The following PPARGC1A variants were observed in gnomAD, a reference collection of about 807,000 sequenced individuals.
The protein encoded by PPARGC1A is PPARG coactivator 1 alpha.
Under a neutral mutation model 88.7 loss-of-function variants are expected in PPARGC1A, and 25 were observed. The ratio of observed to expected loss-of-function variants is 0.28; its 90% CI spans 0.21 to 0.39. The LOEUF is 0.39. PPARGC1A is among the 10% of genes least tolerant of loss of function. The pLI is 1.00. For synonymous variants in PPARGC1A, 363 were observed against 355.6 expected (o/e 1.02, Z -0.24); for missense variants, 880 against 968.7 (o/e 0.91, Z 1.22).
chr4:24,232,037 T>A, the PPARGC1A span, among the ~76,000 whole-genome samples: 1 of 152,180 alleles, frequency 6.6e-6, no homozygotes, highest in Non-Finnish European at 1.5e-5. Context: ...TTCAAATACA[T>A]AACCTTTCAG....
chr4:24,419,271 A>G, the PPARGC1A span, among the ~76,000 whole-genome samples: 1 of 151,336 alleles, frequency 6.6e-6, no homozygotes, highest in Non-Finnish European at 1.5e-5. Flanking sequence ...GGAACAGACC[A>G]TTCTGCTCAG....
chr4:24,440,695 G>A, the PPARGC1A span, among the ~76,000 whole-genome samples: 113 of 152,148 alleles, frequency 7.4e-4, no homozygotes, highest in Admixed American at 1.0e-3. Context: ...CCAGTTACTC[G>A]GGAGGCTGAG....
chr4:24,056,827 T>C, the PPARGC1A span, among the ~76,000 whole-genome samples: 5 of 152,254 alleles, frequency 3.3e-5, no homozygotes, highest in Admixed American at 2.6e-4. Context: ...TGTGGTGAAA[T>C]TGGGCCCCTT....
chr4:23,890,193 C>G (rs889330664), upstream of PPARGC1A: 10 of 750,634 alleles, frequency 1.3e-5, no homozygotes, highest in Non-Finnish European at 1.6e-5. Context: ...AAAGGCAGCC[C>G]TCTGCTTCAG....
At chr4:24,002,557 C>A in the PPARGC1A span, among the ~76,000 whole-genome samples, 4 of 151,438 alleles carry the variant, frequency 2.6e-5, no homozygotes, top group Middle Eastern at 3.5e-3. Context: ...AGCAAGAGAT[C>A]CTGGCATAAT....
At chr4:23,859,953 CT>C (rs1730944059) in intron 2 of PPARGC1A, among the ~76,000 whole-genome samples, 1 of 151,894 alleles carries the variant, frequency 6.6e-6, no homozygotes, top group African/African-American at 2.4e-5. Context: ...TGAAAAAGGG[CT>C]TTTGAGTTAG....
At chr4:24,098,629 G>A in the PPARGC1A span, among the ~76,000 whole-genome samples, 1 of 152,126 alleles carries the variant, frequency 6.6e-6, no homozygotes, top group Non-Finnish European at 1.5e-5. Flanking sequence ...AAATAACCTG[G>A]CTGTCACTAC....
chr4:24,266,055 G>A, the PPARGC1A span, among the ~76,000 whole-genome samples: 6 of 152,306 alleles, frequency 3.9e-5, no homozygotes, highest in South Asian at 6.2e-4. Flanking sequence ...GGGCTCTGGC[G>A]TTAATGGGAT....
At chr4:24,197,571 C>T in the PPARGC1A span, among the ~76,000 whole-genome samples, 1 of 152,140 alleles carries the variant, frequency 6.6e-6, no homozygotes, top group Non-Finnish European at 1.5e-5. Flanking sequence ...CCCTGTTGCT[C>T]CTAAGACTTA....
chr4:24,266,565 T>A, the PPARGC1A span, among the ~76,000 whole-genome samples: 1 of 151,894 alleles, frequency 6.6e-6, no homozygotes, highest in Non-Finnish European at 1.5e-5. Context: ...AGCAAATAAG[T>A]AAGAATTTCT....
intron 7 of PPARGC1A, among the ~76,000 whole-genome samples, chr4:23,816,989 A>G (rs908505798): frequency 7.9e-5 from 12 of 152,302 alleles, no homozygotes; most frequent in East Asian, 7.7e-4. Context: ...CACTTGGGAA[A>G]CCGGGTAAAC....
chr4:24,431,310 G>C, the PPARGC1A span, among the ~76,000 whole-genome samples: 1 of 152,112 alleles, frequency 6.6e-6, no homozygotes, highest in African/African-American at 2.4e-5. Flanking sequence ...AGAGAACACA[G>C]AGAATAGAAC....
chr4:24,144,573 C>T, the PPARGC1A span, among the ~76,000 whole-genome samples: 2 of 152,016 alleles, frequency 1.3e-5, no homozygotes, highest in African/African-American at 4.8e-5. Context: ...TGACACTGAT[C>T]CCTGCTTCTT....
At chr4:23,927,295 A>G in the PPARGC1A span, among the ~76,000 whole-genome samples, 2 of 152,228 alleles carry the variant, frequency 1.3e-5, no homozygotes, top group African/African-American at 4.8e-5. Flanking sequence ...TCATAAAGTC[A>G]AAAAATCAAA....
chr4:24,019,145 T>C, the PPARGC1A span, among the ~76,000 whole-genome samples: 1 of 152,184 alleles, frequency 6.6e-6, no homozygotes, highest in Non-Finnish European at 1.5e-5. Context: ...TATGCTATAA[T>C]ATATTTAGGC....
chr4:23,826,954 C>T (rs1724073721), intron 5 of PPARGC1A, among the ~76,000 whole-genome samples: 1 of 152,070 alleles, frequency 6.6e-6, no homozygotes, highest in South Asian at 2.1e-4. Flanking sequence ...GCATGCATGA[C>T]CAGCACAGGG....
chr4:24,367,946 G>A, the PPARGC1A span, among the ~76,000 whole-genome samples: 2 of 152,048 alleles, frequency 1.3e-5, no homozygotes, highest in African/African-American at 2.4e-5. Context: ...CCTTTTATTC[G>A]AAAGACACAA....
At chr4:24,256,428 T>C in the PPARGC1A span, among the ~76,000 whole-genome samples, 1 of 152,218 alleles carries the variant, frequency 6.6e-6, no homozygotes, top group Non-Finnish European at 1.5e-5. Context: ...TTAAATTCTC[T>C]TCAGCCCAAT....
At chr4:23,916,281 A>G in the PPARGC1A span, among the ~76,000 whole-genome samples, 1 of 152,204 alleles carries the variant, frequency 6.6e-6, no homozygotes, top group Non-Finnish European at 1.5e-5. Context: ...AATATGTGAT[A>G]ATGTGCTTAG....
Sources: gnomAD v4.1 joint callset for allele counts (sites outside exome capture counted in the v4.1 genomes callset) on GRCh38, gnomAD v4.1.1 for gene constraint, MANE v1.5 for transcripts, NCBI Gene and HGNC (gene_info 2026-07-23, HGNC 2026-07-21) for gene names.